The following M1AP variants were observed in gnomAD, a reference collection of about 807,000 sequenced individuals.
M1AP encodes the protein meiosis 1 arrest protein.
M1AP carries 39 observed loss-of-function variants against 51.2 expected under a neutral mutation model. The observed-to-expected ratio is 0.76, with a 90% CI of 0.59 to 1.00. The LOEUF is 1.00. M1AP is among the 50% of genes least tolerant of loss of function. The pLI is 0.00. For missense variants in M1AP, 545 were observed against 641.2 expected (o/e 0.85, Z 1.62); for synonymous variants, 251 against 249.2 (o/e 1.01, Z -0.07).
chr2:74,638,568 GCT>G (rs1156908266), intron 2 of M1AP, among the ~76,000 whole-genome samples: 3 of 152,024 alleles, frequency 2.0e-5, no homozygotes, highest in Non-Finnish European at 4.4e-5. Flanking sequence ...CTTCTTCATT[GCT>G]CTCTCTCTCT....
chr2:74,577,948 G>A (rs1251994191), intron 5 of M1AP, among the ~76,000 whole-genome samples: 4 of 152,206 alleles, frequency 2.6e-5, no homozygotes, highest in African/African-American at 9.7e-5. Flanking sequence ...GGTGGTGGGG[G>A]ATGGTACTGT....
At chr2:74,607,314 A>G (rs1020039184) in intron 3 of M1AP, 91 bp from the exon 4 acceptor site, 12 of 1,324,332 alleles carry the variant, frequency 9.1e-6, no homozygotes, top group African/African-American at 4.3e-5. Flanking sequence ...TAAATACAGC[A>G]TAAGTCTGTG....
At chr2:74,568,766 T>C (rs1678542945) in intron 7 of M1AP, among the ~76,000 whole-genome samples, 2 of 152,162 alleles carry the variant, frequency 1.3e-5, no homozygotes, top group Admixed American at 1.3e-4. Flanking sequence ...GGAGGGGATA[T>C]ACATAATACA....
chr2:74,638,423 T>C (rs1281389887), intron 2 of M1AP, among the ~76,000 whole-genome samples: 1 of 152,170 alleles, frequency 6.6e-6, no homozygotes, highest in Admixed American at 6.5e-5. Context: ...TTTTTTTTTA[T>C]TGTTTGAGGC....
intron 4 of M1AP, among the ~76,000 whole-genome samples, chr2:74,593,660 T>A (rs1027112958): frequency 3.9e-5 from 6 of 152,146 alleles, no homozygotes; most frequent in African/African-American, 1.4e-4. Flanking sequence ...GGATTACAGG[T>A]GTGAGCCACC....
At chr2:74,608,172 C>A (rs1681128067) in intron 3 of M1AP, among the ~76,000 whole-genome samples, 1 of 152,118 alleles carries the variant, frequency 6.6e-6, no homozygotes. Context: ...TGACATGTAC[C>A]CATCAGTATA....
chr2:74,602,061 G>T (rs961656400), intron 4 of M1AP, among the ~76,000 whole-genome samples: 1 of 152,154 alleles, frequency 6.6e-6, no homozygotes, highest in Non-Finnish European at 1.5e-5. Flanking sequence ...TGGAGTAAAA[G>T]AATTATAACT....
chr2:74,616,541 G>A (rs904204167), intron 2 of M1AP, among the ~76,000 whole-genome samples: 3 of 151,910 alleles, frequency 2.0e-5, no homozygotes, highest in Non-Finnish European at 1.5e-5. Flanking sequence ...CTTTCCCTGA[G>A]AGTTTTATCA....
intron 4 of M1AP, among the ~76,000 whole-genome samples, chr2:74,598,743 C>T (rs552690524): frequency 6.6e-6 from 1 of 150,560 alleles, no homozygotes; most frequent in South Asian, 2.1e-4. Context: ...GTCTCAGCAT[C>T]CTGAGTAGCT....
At chr2:74,600,412 G>A (rs547131912) in intron 4 of M1AP, among the ~76,000 whole-genome samples, 1 of 152,310 alleles carries the variant, frequency 6.6e-6, no homozygotes, top group East Asian at 1.9e-4. Flanking sequence ...TAAAAACAAA[G>A]CTAGCAGCAT....
chr2:74,575,535 A>C lies in M1AP; in HGVS notation c.977T>G (p.Leu326Arg), dbSNP rs756317597. Residue 326 changes from leucine to arginine, a missense_variant, in exon 7 of 11, where the codon CTC (leucine) becomes CGC (arginine). By Grantham distance (102) the Leu-to-Arg change is moderately radical. Transcript: ENST00000421985. ...GCTTGTAGGTCTGAGGATGAACGGG[A>C]GTCCATATGTCAATGACTCGCAGAG... ...SGLCESLTYG[L>R]PFILRPTSCW... 2 of 1,614,184 alleles carry C rather than the reference A, an allele frequency of 1.2e-6. No homozygotes were observed. Among genetic ancestry groups the C allele is most frequent in the Non-Finnish European group, 1.7e-6 (2 of 1,180,024 alleles).
intron 4 of M1AP, among the ~76,000 whole-genome samples, chr2:74,585,744 C>G (rs925827487): frequency 1.3e-5 from 2 of 152,202 alleles, no homozygotes; most frequent in Non-Finnish European, 2.9e-5. Flanking sequence ...AAACTAGAGA[C>G]TTATGTGTAA....
At chr2:74,631,343 C>T (rs2104806890) in intron 2 of M1AP, among the ~76,000 whole-genome samples, 2 of 152,012 alleles carry the variant, frequency 1.3e-5, no homozygotes, top group Non-Finnish European at 2.9e-5. Flanking sequence ...TGTGTAATTC[C>T]CTTAAGTTAA....
chr2:74,593,829 G>A (rs1680179515), intron 4 of M1AP, among the ~76,000 whole-genome samples: 1 of 152,254 alleles, frequency 6.6e-6, no homozygotes, highest in South Asian at 2.1e-4. Context: ...AGTGGCTGCA[G>A]TCACAATAGT....
intron 4 of M1AP, among the ~76,000 whole-genome samples, chr2:74,590,795 G>A (rs1679998163): frequency 6.6e-6 from 1 of 152,188 alleles, no homozygotes; most frequent in Non-Finnish European, 1.5e-5. Flanking sequence ...AGGTACGGGA[G>A]AGAAGGGCCC....
chr2:74,600,628 T>C (rs766994808), intron 4 of M1AP, among the ~76,000 whole-genome samples: 1 of 152,188 alleles, frequency 6.6e-6, no homozygotes, highest in South Asian at 2.1e-4. Context: ...CTTATCTCTA[T>C]TTCTTGAACA....
At position 74,562,383 on chromosome 2, in the gene M1AP, C is replaced by T. The variant is rs754994144; in HGVS notation, c.1115G>A (p.Gly372Asp). The T allele has an allele frequency of 4.3e-5, 70 of 1,614,104 alleles. No individual in the cohort carries two copies. Among genetic ancestry groups the T allele is most frequent in the Non-Finnish European group, 5.3e-5 (63 of 1,180,044 alleles). Residue 372 changes from glycine (G) to aspartate (D), a missense_variant, in exon 8 of 11, where the codon GGC (glycine) becomes GAC (aspartate). Physicochemically the swap from Gly to Asp is moderately conservative, Grantham distance 94. Transcript: ENST00000421985. ...WLLLAKGEPPGPGHSQRIPAS... is the reference protein window; with the variant it reads ...WLLLAKGEPPDPGHSQRIPAS... Reference sequence around the variant, plus strand: ...AGGAATTCTCTGGCTGTGTCCTGGGCCCGGTGGTTCCCCCTTGGCTAACAG... The same window carrying T: ...AGGAATTCTCTGGCTGTGTCCTGGGTCCGGTGGTTCCCCCTTGGCTAACAG...
intron 4 of M1AP, among the ~76,000 whole-genome samples, chr2:74,594,206 C>T (rs540132019): frequency 1.4e-4 from 22 of 152,196 alleles, no homozygotes; most frequent in African/African-American, 4.3e-4. Flanking sequence ...GTCTTTATAA[C>T]ACAATGTTCA....
rs1679422083 is a variant in M1AP, at chr2:74,581,788, T to C, written c.655A>G (p.Met219Val). ...LQTIDNDIVSMEIFFKAWLHN... is the reference protein window; with the variant it reads ...LQTIDNDIVSVEIFFKAWLHN... ...AGCCAGGCTTTGAAGAAAATCTCCA[T>C]GCTGACGATATCATTGTCTATAGTC... The change falls in exon 5 of 11, where the codon ATG (methionine) becomes GTG (valine). Residue 219 changes from methionine (M) to valine (V), a missense_variant. By Grantham distance (21) the Met-to-Val change is conservative. Coordinates refer to ENST00000421985, the MANE Select transcript of M1AP (RefSeq NM_001321739.2). 2 of 1,614,104 alleles carry C rather than the reference T, an allele frequency of 1.2e-6. No individual in the cohort carries two copies. The highest frequency in any genetic ancestry group is 1.7e-6 in the Non-Finnish European group (2 of 1,179,950).
Sources: gnomAD v4.1 joint callset for allele counts (sites outside exome capture counted in the v4.1 genomes callset) on GRCh38, gnomAD v4.1.1 for gene constraint, MANE v1.5 for transcripts, NCBI Gene and HGNC (gene_info 2026-07-23, HGNC 2026-07-21) for gene names.